The following TRHDE variants were observed in gnomAD, a reference collection of about 807,000 sequenced individuals.
The protein encoded by TRHDE is thyrotropin releasing hormone degrading enzyme, also known as thyrotropin-releasing hormone-degrading ectoenzyme.
A neutral mutation model predicts 125.7 loss-of-function variants in TRHDE; 72 were observed. The ratio of observed to expected loss-of-function variants is 0.57; its 90% confidence interval spans 0.47 to 0.70. TRHDE has a LOEUF of 0.70. TRHDE is among the 30% of genes least tolerant of loss of function. The pLI is 0.00. For synonymous variants in TRHDE, 509 were observed against 509.1 expected, an observed-to-expected ratio of 1.00 and a Z score of 0.00; for missense variants, 1,110 against 1,327.1, an observed-to-expected ratio of 0.84 and a Z score of 2.54.
intron 2 of TRHDE, among the ~76,000 whole-genome samples, chr12:72,158,335 T>C (rs534250116): frequency 6.6e-6 from 1 of 151,626 alleles, no homozygotes; most frequent in South Asian, 2.1e-4. Context: ...TGAAATTATA[T>C]GTATATATAT....
intron 3 of TRHDE, among the ~76,000 whole-genome samples, chr12:72,448,550 T>C (rs1159705043): frequency 1.3e-5 from 2 of 152,080 alleles, no homozygotes; most frequent in African/African-American, 4.8e-5. Flanking sequence ...GAAAAATTAT[T>C]TGAAGGTTAA....
intron 3 of TRHDE, among the ~76,000 whole-genome samples, chr12:72,463,466 T>C (rs982748654): frequency 1.3e-5 from 2 of 152,184 alleles, no homozygotes; most frequent in Non-Finnish European, 2.9e-5. Context: ...AAGTCAGTAC[T>C]GTAGGTAGTA....
At chr12:72,585,088 A>G (rs1057034032) in intron 12 of TRHDE, among the ~76,000 whole-genome samples, 1 of 152,148 alleles carries the variant, frequency 6.6e-6, no homozygotes, top group Non-Finnish European at 1.5e-5. Flanking sequence ...AGTGTATACC[A>G]TGGCTGTTGG....
At chr12:72,343,662 CTGA>C (rs1402102148) in intron 2 of TRHDE, among the ~76,000 whole-genome samples, 1 of 151,998 alleles carries the variant, frequency 6.6e-6, no homozygotes, top group East Asian at 1.9e-4. Flanking sequence ...TCATTCATAA[CTGA>C]TGATGAGTAT....
intron 15 of TRHDE, among the ~76,000 whole-genome samples, chr12:72,623,111 TACC>T: frequency 6.6e-6 from 1 of 152,140 alleles, no homozygotes; most frequent in East Asian, 1.9e-4. Context: ...CCTTCAATTC[TACC>T]ACGTTTAATC....
intron 7 of TRHDE, among the ~76,000 whole-genome samples, chr12:72,555,131 A>G (rs1869856360): frequency 5.3e-5 from 8 of 152,228 alleles, no homozygotes; most frequent in Admixed American, 5.2e-4. Flanking sequence ...TACAAAATTT[A>G]CATTGATTGG....
chr12:72,595,786 G>T (rs1408007355), intron 12 of TRHDE, among the ~76,000 whole-genome samples: 1 of 151,980 alleles, frequency 6.6e-6, no homozygotes, highest in East Asian at 1.9e-4. Context: ...CATTAAATAA[G>T]ATATTATAAT....
At chr12:72,522,808 A>T (rs1160561397) in intron 6 of TRHDE, among the ~76,000 whole-genome samples, 1 of 152,170 alleles carries the variant, frequency 6.6e-6, no homozygotes, top group African/African-American at 2.4e-5. Context: ...ATTTAGGAAC[A>T]TGCAGAGCAT....
chr12:72,120,179 T>C (rs1011737243), intron 2 of TRHDE, among the ~76,000 whole-genome samples: 1 of 151,816 alleles, frequency 6.6e-6, no homozygotes, highest in Non-Finnish European at 1.5e-5. Flanking sequence ...GCCTCCTGAG[T>C]AGCTGGGATT....
chr12:72,568,013 A>G (rs199749799), intron 9 of TRHDE, among the ~76,000 whole-genome samples: 1 of 152,070 alleles, frequency 6.6e-6, no homozygotes, highest in East Asian at 1.9e-4. Context: ...GTGTCCCACA[A>G]TATTCTTTCT....
intron 2 of TRHDE, among the ~76,000 whole-genome samples, chr12:72,189,600 G>A (rs967246348): frequency 2.6e-5 from 4 of 152,154 alleles, no homozygotes; most frequent in African/African-American, 9.7e-5. Context: ...AAAATGTAGG[G>A]GCTAGTTACC....
At position 72,512,372 on chromosome 12, in the gene TRHDE, A is replaced by C. The variant is rs185513140; in HGVS notation, c.1722+12737A>C. 1.5e-3 allele frequency among the ~76,000 whole-genome samples: 224 copies of C among 145,130 alleles called. 2 individuals carry two copies. The highest frequency in any genetic ancestry group is 5.5e-3 in the African/African-American group (218 of 39,796). ...AAAAAGTTAGTATTTCAGTTAGTAT[A>C]AATGGAATATATAATATATAATTAT... On this transcript the variant is annotated intron_variant, in intron 6 of 18. Transcript: ENST00000261180.
chr12:72,237,735 C>G (rs1226782924), intron 2 of TRHDE, among the ~76,000 whole-genome samples: 11 of 152,194 alleles, frequency 7.2e-5, no homozygotes, highest in African/African-American at 2.4e-4. Context: ...CCATGCGGAA[C>G]TGTGGGTCAA....
chr12:72,584,904 TATC>T (rs1159585774), intron 12 of TRHDE, among the ~76,000 whole-genome samples: 1 of 152,210 alleles, frequency 6.6e-6, no homozygotes, highest in African/African-American at 2.4e-5. Context: ...ACTCTAAAAA[TATC>T]ATATTGTCCC....
At chr12:72,571,300 A>G (rs186283728) in intron 10 of TRHDE, among the ~76,000 whole-genome samples, 20 of 152,336 alleles carry the variant, frequency 1.3e-4, no homozygotes, top group African/African-American at 4.3e-4. Flanking sequence ...TCTTTTAAAC[A>G]TATGTAAAAC....
chr12:72,370,286 A>G (rs1565716055), intron 2 of TRHDE, among the ~76,000 whole-genome samples: 1 of 152,168 alleles, frequency 6.6e-6, no homozygotes, highest in African/African-American at 2.4e-5. Context: ...CCCTACTGCC[A>G]TCTCTCCAGT....
intron 3 of TRHDE, among the ~76,000 whole-genome samples, chr12:72,383,717 GTT>G (rs1198685598): frequency 0.033 from 3,999 of 120,660 alleles, 174 homozygotes; most frequent in African/African-American, 0.11. Context: ...GGTAATTTCT[GTT>G]TTTTTTTTTT....
intron 3 of TRHDE, among the ~76,000 whole-genome samples, chr12:72,390,317 T>C (rs1373639898): frequency 6.6e-6 from 1 of 152,184 alleles, no homozygotes; most frequent in Non-Finnish European, 1.5e-5. Context: ...TGGCTGTTGG[T>C]CAATCTGGAG....
chr12:72,314,233 T>C (rs1172000444), intron 2 of TRHDE, among the ~76,000 whole-genome samples: 1 of 150,114 alleles, frequency 6.7e-6, no homozygotes, highest in Non-Finnish European at 1.5e-5. Context: ...AGGTCTTGTC[T>C]TGTCATTTCT....
Sources: gnomAD v4.1 joint callset for allele counts (sites outside exome capture counted in the v4.1 genomes callset) on GRCh38, gnomAD v4.1.1 for gene constraint, MANE v1.5 for transcripts, NCBI Gene and HGNC (gene_info 2026-07-23, HGNC 2026-07-21) for gene names.